The following TTC1 variants were observed in gnomAD, a reference collection of about 807,000 sequenced individuals.
TTC1 encodes tetratricopeptide repeat domain 1, also known as tetratricopeptide repeat protein 1.
A neutral mutation model predicts 37.6 loss-of-function variants in TTC1; 31 were observed. That is an observed-to-expected ratio of 0.82 (90% CI 0.62 to 1.11). The LOEUF is 1.11. TTC1 is among the 50% of genes most tolerant of loss of function. TTC1 has a pLI of 0.00. For synonymous variants in TTC1, 127 were observed against 122.4 expected, an observed-to-expected ratio of 1.04 and a Z score of -0.25; for missense variants, 351 against 339.0, an observed-to-expected ratio of 1.04 and a Z score of -0.28.
At chr5:160,023,197 A>C (rs1756742696) in intron 2 of TTC1, among the ~76,000 whole-genome samples, 1 of 152,050 alleles carries the variant, frequency 6.6e-6, no homozygotes, top group Non-Finnish European at 1.5e-5. Flanking sequence ...CGGAGGTTGC[A>C]ATGAACTGAG....
rs1202879304 is a variant in TTC1 at position 160,032,891 on chromosome 5, T to TG, written c.331-2242dup. Among the ~76,000 whole-genome samples the TG allele has an allele frequency of 2.0e-3, 287 of 144,588 alleles. 1 individual carries two copies. The highest frequency in any genetic ancestry group is 7.0e-3 in the Middle Eastern group (2 of 286). 94.9% of individuals were successfully genotyped at this position (144,588 alleles called of 152,430 possible). ...ACCACACCCAGCTAATTTTTTTTTT[T>TG]GGGGGGGTATTTTTAGTAGAGACAG... On this transcript the variant is annotated intron_variant, in intron 2 of 7. Coordinates refer to ENST00000231238, the MANE Select transcript of TTC1 (RefSeq NM_003314.3).
At chr5:160,028,035 C>T (rs1415021374) in intron 2 of TTC1, among the ~76,000 whole-genome samples, 1 of 152,112 alleles carries the variant, frequency 6.6e-6, no homozygotes, top group Non-Finnish European at 1.5e-5. Context: ...CGCGGTGGCT[C>T]ATGCCTTTAA....
intron 4 of TTC1, among the ~76,000 whole-genome samples, chr5:160,041,339 G>A (rs1433076699): frequency 1.4e-5 from 2 of 143,378 alleles, no homozygotes; most frequent in Admixed American, 1.5e-4. Context: ...TGGAGATAGA[G>A]TTACTCTGTT....
At chr5:160,010,917 C>CGATA in intron 2 of TTC1, 59 bp downstream of exon 2, 1 of 1,489,660 alleles carries the variant, frequency 6.7e-7, no homozygotes, top group South Asian at 1.3e-5. Flanking sequence ...AAAATGTGGT[C>CGATA]GATACTGTAT....
At chr5:160,051,005 A>G in intron 6 of TTC1, 124 bp from the exon 7 acceptor site, 2 of 678,710 alleles carry the variant, frequency 2.9e-6, no homozygotes, top group South Asian at 2.2e-5. Flanking sequence ...ATAGGATCAT[A>G]GACATACTTA....
At chr5:160,048,126 CTTTTTTTTTTTTTTTTTT>C (rs56201199) in intron 5 of TTC1, among the ~76,000 whole-genome samples, 176 of 35,572 alleles carry the variant, frequency 4.9e-3, no homozygotes, top group Middle Eastern at 0.023. Context: ...CAAGACATTG[CTTTTTTTTTTTTTTTTTT>C]TTTTTTTTTT....
Position 160,057,820 on chromosome 5 carries a change from G to A in TTC1, c.745+6637G>A, listed in dbSNP as rs1757581882. 6.6e-6 allele frequency among the ~76,000 whole-genome samples: 1 copy of A among 152,180 alleles called. No individual in the cohort carries two copies. Among genetic ancestry groups the A allele is most frequent in the South Asian group, 2.1e-4 (1 of 4,824 alleles). ...AGCCTCATTCTGTCGCCAGGCTGGAGTGCAGTGGCACAATCTTGGCTCACT... is the reference window on the plus strand; with the variant it reads ...AGCCTCATTCTGTCGCCAGGCTGGAATGCAGTGGCACAATCTTGGCTCACT... On this transcript the variant is annotated intron_variant, in intron 7 of 7. Transcript: ENST00000231238. This position sits in a 1 kb window ranked among gnomAD's most constrained non-coding sequence, Gnocchi z 4.4.
At chr5:160,049,018 G>C (rs1189854498) in intron 5 of TTC1, among the ~76,000 whole-genome samples, 1 of 152,070 alleles carries the variant, frequency 6.6e-6, no homozygotes, top group Non-Finnish European at 1.5e-5. Context: ...TCCTGGACTG[G>C]GTAAATGACA....
intron 2 of TTC1, among the ~76,000 whole-genome samples, chr5:160,029,481 C>CAAAAA (rs61227502): frequency 1.3e-5 from 1 of 79,858 alleles, no homozygotes; most frequent in Admixed American, 1.3e-4. Context: ...CCCATCTCTA[C>CAAAAA]AAAAAAAAAA....
chr5:160,032,612 G>C (rs750875537), intron 2 of TTC1, among the ~76,000 whole-genome samples: 1 of 150,002 alleles, frequency 6.7e-6, no homozygotes, highest in African/African-American at 2.5e-5. Context: ...GAGTTGATTT[G>C]CTGTCATTGC....
At chr5:160,029,307 C>T (rs1407181477) in intron 2 of TTC1, among the ~76,000 whole-genome samples, 3 of 152,008 alleles carry the variant, frequency 2.0e-5, no homozygotes, top group Non-Finnish European at 2.9e-5. Flanking sequence ...AACACACTAA[C>T]ACCCAGATCT....
chr5:160,034,387 T>C (rs1257006817), intron 2 of TTC1, among the ~76,000 whole-genome samples: 1 of 152,158 alleles, frequency 6.6e-6, no homozygotes, highest in African/African-American at 2.4e-5. Context: ...TCTGAGTTGT[T>C]TGAATAAGCT....
intron 2 of TTC1, among the ~76,000 whole-genome samples, chr5:160,019,885 C>A (rs180700391): frequency 2.6e-4 from 39 of 151,288 alleles, no homozygotes; most frequent in African/African-American, 9.5e-4. Context: ...CTGCCTCCTG[C>A]CTCCCTTTTC....
chr5:160,016,150 G>A (rs1756601911), intron 2 of TTC1, among the ~76,000 whole-genome samples: 2 of 152,166 alleles, frequency 1.3e-5, no homozygotes, highest in South Asian at 4.1e-4. Context: ...GGCCAAGGTG[G>A]GCAGACCACT....
At chr5:160,046,213 T>A (rs1361953299) in intron 5 of TTC1, among the ~76,000 whole-genome samples, 5 of 152,230 alleles carry the variant, frequency 3.3e-5, no homozygotes, top group Non-Finnish European at 5.9e-5. Flanking sequence ...GTTTTATCCA[T>A]GCCATTGAAA....
chr5:160,044,120 T>A (rs1409461991), intron 5 of TTC1, among the ~76,000 whole-genome samples: 1 of 152,226 alleles, frequency 6.6e-6, no homozygotes, highest in East Asian at 1.9e-4. Context: ...TTTTTGTGTT[T>A]TCTATTTTTT....
At chr5:160,042,182 G>C (rs541587068) in intron 4 of TTC1, among the ~76,000 whole-genome samples, 3 of 152,152 alleles carry the variant, frequency 2.0e-5, no homozygotes, top group Non-Finnish European at 2.9e-5. Flanking sequence ...CGCCCACCTT[G>C]GTCCTCCAAA....
intron 3 of TTC1, 83 bp downstream of exon 3, chr5:160,035,283 A>C (rs1756983143): frequency 2.4e-5 from 28 of 1,188,316 alleles, no homozygotes; most frequent in Non-Finnish European, 2.9e-5. Context: ...CCCAAAGAAC[A>C]TCTGAAGAAA....
At chr5:160,048,292 T>C (rs996041364) in intron 5 of TTC1, among the ~76,000 whole-genome samples, 1 of 151,882 alleles carries the variant, frequency 6.6e-6, no homozygotes, top group African/African-American at 2.4e-5. Flanking sequence ...GCTGGGATTA[T>C]AGACCCACAC....
Sources: allele counts gnomAD v4.1 joint callset (sites outside exome capture counted in the v4.1 genomes callset), GRCh38; gene constraint gnomAD v4.1.1; non-coding constraint Gnocchi (gnomAD v3.1); transcripts MANE v1.5; gene names NCBI Gene and HGNC (gene_info 2026-07-23, HGNC 2026-07-21).